MTUS2: variants seen among roughly 807,000 people sequenced by gnomAD.
The protein encoded by MTUS2 is microtubule-associated tumor suppressor candidate 2.
In MTUS2, 40 loss-of-function variants were observed where a neutral mutation model predicts 114.1. The observed-to-expected ratio is 0.35, with a 90% CI of 0.27 to 0.46. The LOEUF (loss-of-function observed/expected upper bound fraction) is 0.46. Among genes scored for constraint, MTUS2 ranks in the 20% least tolerant of loss-of-function variants. MTUS2 has a pLI of 1.00. For missense variants in MTUS2, 1,679 were observed against 1,705.4 expected, an observed-to-expected ratio of 0.98 and a Z score of 0.27; for synonymous variants, 688 against 672.0, an observed-to-expected ratio of 1.02 and a Z score of -0.37.
At chr13:29,099,596 A>C (rs543402923) in intron 4 of MTUS2, among the ~76,000 whole-genome samples, 24 of 152,294 alleles carry the variant, frequency 1.6e-4, no homozygotes, top group African/African-American at 5.8e-4. Flanking sequence ...GGGTCATTTA[A>C]TCTAAATCCT....
chr13:29,089,132 T>C (rs1889828024), intron 4 of MTUS2, among the ~76,000 whole-genome samples: 1 of 152,240 alleles, frequency 6.6e-6, no homozygotes, highest in Non-Finnish European at 1.5e-5. Flanking sequence ...TTATGGCCTC[T>C]TCTAAGGCAG....
chr13:29,414,978 T>A (rs1253224387), intron 8 of MTUS2, among the ~76,000 whole-genome samples: 1 of 151,382 alleles, frequency 6.6e-6, no homozygotes, highest in African/African-American at 2.4e-5. Flanking sequence ...ATGTTTCGGT[T>A]TGGGGGGTTT....
chr13:28,825,083 C>T (rs1288636613), intron 1 of MTUS2, among the ~76,000 whole-genome samples: 1 of 152,180 alleles, frequency 6.6e-6, no homozygotes, highest in Non-Finnish European at 1.5e-5. Flanking sequence ...AGCTTTTCCT[C>T]ATGACAGCAG....
chr13:29,327,424 A>G (rs1033029078), intron 7 of MTUS2, among the ~76,000 whole-genome samples: 1 of 152,150 alleles, frequency 6.6e-6, no homozygotes, highest in Non-Finnish European at 1.5e-5. Flanking sequence ...CCCAAACCCC[A>G]GACAACCACT....
intron 6 of MTUS2, among the ~76,000 whole-genome samples, chr13:29,297,217 G>A (rs1898986396): frequency 1.3e-5 from 2 of 152,126 alleles, no homozygotes; most frequent in South Asian, 2.1e-4. Flanking sequence ...CCTAATGAAT[G>A]TCCTTGGCAT....
intron 5 of MTUS2, among the ~76,000 whole-genome samples, chr13:29,216,214 G>A (rs1276162347): frequency 2.6e-5 from 4 of 152,192 alleles, no homozygotes; most frequent in Non-Finnish European, 4.4e-5. Flanking sequence ...CAGTAATGGC[G>A]GATGTCCCTT....
chr13:29,389,552 CACGTGT>C (rs1873059178), intron 8 of MTUS2, among the ~76,000 whole-genome samples: 2 of 78,528 alleles, frequency 2.5e-5, no homozygotes, highest in African/African-American at 1.0e-4. Context: ...TATATGTATA[CACGTGT>C]GTATATGTGT....
chr13:28,857,175 T>G (rs148964737), intron 2 of MTUS2, among the ~76,000 whole-genome samples: 379 of 152,316 alleles, frequency 2.5e-3, no homozygotes, highest in African/African-American at 8.7e-3. Flanking sequence ...CCATCTCGAG[T>G]ATAGAATGGG....
chr13:29,187,235 A>C (rs1197280426), intron 5 of MTUS2, among the ~76,000 whole-genome samples: 1 of 152,108 alleles, frequency 6.6e-6, no homozygotes, highest in Non-Finnish European at 1.5e-5. Flanking sequence ...AGCAAGTAGA[A>C]GGAGGGAAAC....
chr13:29,255,124 A>G (rs1897251806), intron 5 of MTUS2, among the ~76,000 whole-genome samples: 2 of 152,074 alleles, frequency 1.3e-5, no homozygotes, highest in African/African-American at 4.8e-5. Context: ...CCCGGTGAAC[A>G]TTTTCTGACA....
chr13:29,166,824 T>C (rs926477582), intron 5 of MTUS2, among the ~76,000 whole-genome samples: 9 of 152,134 alleles, frequency 5.9e-5, no homozygotes, highest in Non-Finnish European at 1.0e-4. Flanking sequence ...AGATGTATTG[T>C]CTTGAAAAAA....
chr13:29,319,248 G>T (rs1476092060), intron 6 of MTUS2, among the ~76,000 whole-genome samples: 1 of 152,194 alleles, frequency 6.6e-6, no homozygotes, highest in Non-Finnish European at 1.5e-5. Flanking sequence ...CAACAAGAAA[G>T]CAAAAGGGCA....
At chr13:28,880,617 A>G (rs1019497227) in intron 2 of MTUS2, among the ~76,000 whole-genome samples, 1 of 152,242 alleles carries the variant, frequency 6.6e-6, no homozygotes, top group African/African-American at 2.4e-5. Flanking sequence ...AATTTGGGAA[A>G]CTGTAAAAAG....
At chr13:28,927,696 A>T (rs1881397262) in intron 2 of MTUS2, among the ~76,000 whole-genome samples, 1 of 152,228 alleles carries the variant, frequency 6.6e-6, no homozygotes, top group Admixed American at 6.5e-5. Context: ...TGTTATACAC[A>T]GAAATTTACA....
intron 5 of MTUS2, among the ~76,000 whole-genome samples, chr13:29,191,069 T>G (rs566319565): frequency 6.6e-6 from 1 of 152,230 alleles, no homozygotes; most frequent in East Asian, 1.9e-4. Context: ...CCAGGAGGTT[T>G]TGGCCATGGC....
intron 5 of MTUS2, chr13:29,250,591 A>G (rs2139428563): frequency 6.6e-6 from 1 of 151,290 alleles, no homozygotes; most frequent in African/African-American, 2.4e-5. Context: ...TGAGTATCAC[A>G]CCGTAAAAGT....
At chr13:29,285,726 A>G (rs1898453415) in intron 6 of MTUS2, among the ~76,000 whole-genome samples, 1 of 152,178 alleles carries the variant, frequency 6.6e-6, no homozygotes, top group Non-Finnish European at 1.5e-5. Context: ...AAAACCAAAC[A>G]TCTTTGGGGA....
chr13:29,166,323 GT>G (rs1893315070), intron 5 of MTUS2, among the ~76,000 whole-genome samples: 1 of 152,222 alleles, frequency 6.6e-6, no homozygotes, highest in South Asian at 2.1e-4. Context: ...CTGACAGAAG[GT>G]TGGAGTAGAA....
intron 8 of MTUS2, among the ~76,000 whole-genome samples, chr13:29,362,530 TA>T (rs1483334957): frequency 4.0e-5 from 6 of 151,472 alleles, no homozygotes; most frequent in Admixed American, 1.3e-4. Flanking sequence ...TAAAAAAAAT[TA>T]AAAAAATTAG....
Sources: gnomAD v4.1 joint callset for allele counts (sites outside exome capture counted in the v4.1 genomes callset) on GRCh38, gnomAD v4.1.1 for gene constraint, MANE v1.5 for transcripts, NCBI Gene and HGNC (gene_info 2026-07-23, HGNC 2026-07-21) for gene names.